Variants in EVC observed in about 807,000 individuals in gnomAD.
EVC encodes the protein evC complex member EVC.
EVC carries 116 observed loss-of-function variants against 118.9 expected under a neutral mutation model. The ratio of observed to expected loss-of-function variants is 0.98; its 90% CI spans 0.84 to 1.14. EVC has a LOEUF of 1.14. EVC is among the 50% of genes most tolerant of loss of function. The pLI, the probability that EVC is intolerant of heterozygous loss-of-function variation, is 0.00. For missense variants in EVC, 1,401 were observed against 1,246.4 expected (o/e 1.12, Z -1.87); for synonymous variants, 619 against 534.7 (o/e 1.16, Z -2.18).
At chr4:5,741,237 C>T (rs1728519663) in intron 5 of EVC, among the ~76,000 whole-genome samples, 1 of 152,204 alleles carries the variant, frequency 6.6e-6, no homozygotes. Flanking sequence ...CTCTGTACTT[C>T]CTGGGTATCC....
At position 5,719,369 on chromosome 4, in the gene EVC, T is replaced by C. The variant is rs769228482; in HGVS notation, c.296T>C (p.Val99Ala). ...EVQMSKDKEA[V>A]DECEPPSNSN... Reference sequence around the variant, plus strand: ...CAGATGTCGAAGGACAAGGAAGCTGTTGATGTAAGCTTGGTGTTGATGTTT... The same window carrying C: ...CAGATGTCGAAGGACAAGGAAGCTGCTGATGTAAGCTTGGTGTTGATGTTT... The change falls in exon 2 of 21, where the codon GTT becomes GCT. Residue 99 changes from valine (V) to alanine (A), a missense_variant. Physicochemically the swap from Val to Ala is moderately conservative, Grantham distance 64. Transcript: ENST00000264956. This position sits in a 1 kb window ranked among gnomAD's most constrained non-coding sequence, Gnocchi z 4.7. The C allele has an allele frequency of 9.3e-6, 15 of 1,614,120 alleles. No individual in the cohort carries two copies. The highest frequency in any genetic ancestry group is 1.3e-5 in the Non-Finnish European group (15 of 1,180,008).
Position 5,777,556 on chromosome 4 carries a change from G to C in EVC, c.1564-5996G>C, listed in dbSNP as rs16837673. 3.9e-3 allele frequency among the ~76,000 whole-genome samples: 588 copies of C among 152,194 alleles called. 8 individuals carry two copies. Among genetic ancestry groups the C allele is most frequent in the African/African-American group, 0.014 (566 of 41,496 alleles). ...CTCCAGATGTGTCTTCTTAGACCTT[G>C]GCCCATGTACTCATCACAATCTTGT... On this transcript the variant is annotated intron_variant, in intron 11 of 20. Transcript: ENST00000264956.
At chr4:5,759,854 C>T (rs879449653) in intron 11 of EVC, among the ~76,000 whole-genome samples, 6 of 152,198 alleles carry the variant, frequency 3.9e-5, no homozygotes, top group Non-Finnish European at 7.3e-5. Flanking sequence ...CCTGACGACA[C>T]GCGCCCAAGG....
At chr4:5,758,313 C>G in intron 11 of EVC, 1 of 555,592 alleles carries the variant, frequency 1.8e-6, no homozygotes, top group Non-Finnish European at 3.2e-6. Flanking sequence ...CTTAATGCAC[C>G]CAGTTTGCGG....
chr4:5,778,913 C>A (rs527319739), intron 11 of EVC, among the ~76,000 whole-genome samples: 141 of 152,142 alleles, frequency 9.3e-4, no homozygotes, highest in African/African-American at 3.4e-3. Flanking sequence ...GAAGTCCTTG[C>A]ACATGCCTAT....
rs199904401 is a variant in EVC, at chr4:5,731,551, G to T, written c.511G>T (p.Asp171Tyr). The change falls in exon 4 of 21, where the codon GAC becomes TAC. Residue 171 changes from aspartate (D) to tyrosine (Y), a missense_variant. Coordinates refer to ENST00000264956, the MANE Select transcript of EVC (RefSeq NM_153717.3). This position sits in a 1 kb window ranked among gnomAD's most constrained non-coding sequence, Gnocchi z 5.6. Reference sequence around the variant, plus strand: ...GAGCCTGAGCCAGGGTGAGAAGGACGACTGCAGCTCCTCATCCAGCGTCCA... The same window carrying T: ...GAGCCTGAGCCAGGGTGAGAAGGACTACTGCAGCTCCTCATCCAGCGTCCA... Reference protein sequence around the residue: ...LGSLSQGEKDDCSSSSSVHSA... With the variant: ...LGSLSQGEKDYCSSSSSVHSA... 3 of 1,614,108 alleles carry T rather than the reference G, an allele frequency of 1.9e-6. No individual in the cohort carries two copies. The highest frequency in any genetic ancestry group is 1.7e-5 in the Admixed American group (1 of 60,020).
rs1729000174 is a variant in EVC at position 5,743,997 on chromosome 4, C to G, written c.802-1207C>G. On this transcript the variant is annotated intron_variant, in intron 6 of 20. Transcript: ENST00000264956. The surrounding 1 kb of genome is among the most constrained non-coding windows in gnomAD (Gnocchi z 4.7). ...GAGTCTGCAGACCTCAGATCAAATT[C>G]CATCTCTACGAGTTAAACAAGGCTG... Among the ~76,000 whole-genome samples the G allele has an allele frequency of 6.6e-6, 1 of 152,156 alleles. No individual in the cohort carries two copies. The highest frequency in any genetic ancestry group is 2.4e-5 in the African/African-American group (1 of 41,436).
At chr4:5,793,419 CTAAATGCAAA>C in intron 12 of EVC, 179 bp from the exon 13 acceptor site, 1 of 632,188 alleles carries the variant, frequency 1.6e-6, no homozygotes, top group Non-Finnish European at 2.8e-6. Context: ...TGCATTTTTC[CTAAATGCAAA>C]TAGGAAAGAT....
intron 6 of EVC, among the ~76,000 whole-genome samples, chr4:5,744,313 T>C (rs1729038058): frequency 6.6e-6 from 1 of 152,184 alleles, no homozygotes; most frequent in Non-Finnish European, 1.5e-5. Flanking sequence ...AGAAATCACA[T>C]ATGGCCTCAG....
Position 5,811,222 on chromosome 4 carries a change from A to C in EVC, c.*185A>C. ...GCATAAATGAGTATCACCTGAGAAA[A>C]TTAGGCATTCCCGTCTTGGAAACAC... On this transcript the variant is annotated 3_prime_UTR_variant, in exon 21 of 21. Coordinates refer to ENST00000264956, the MANE Select transcript of EVC (RefSeq NM_153717.3). The C allele has an allele frequency of 1.7e-6, 1 of 599,130 alleles. No homozygotes were observed. Among genetic ancestry groups the C allele is most frequent in the South Asian group, 1.9e-5 (1 of 51,872 alleles). The allele number at this position is 599,130 out of a possible 1,614,324, so 37.1% of individuals were successfully genotyped here. A position where few individuals can be genotyped will look rare whatever the true frequency, so the allele number is the denominator to read the frequency against.
At chr4:5,800,071 G>A (rs768431562) in intron 15 of EVC, among the ~76,000 whole-genome samples, 4 of 152,230 alleles carry the variant, frequency 2.6e-5, no homozygotes, top group South Asian at 2.1e-4. Context: ...GAGGCCGAGC[G>A]CAGTGGCTCA....
chr4:5,718,507 G>A (rs901073431), intron 1 of EVC, among the ~76,000 whole-genome samples: 3 of 151,986 alleles, frequency 2.0e-5, no homozygotes, highest in South Asian at 2.1e-4. Context: ...CCGAGAAAAA[G>A]CACAGAAATG....
At chr4:5,736,331 G>A (rs1258891342) in intron 5 of EVC, among the ~76,000 whole-genome samples, 1 of 151,980 alleles carries the variant, frequency 6.6e-6, no homozygotes, top group African/African-American at 2.4e-5. Flanking sequence ...GCATAAAGAT[G>A]GGTGAAAACT....
intron 12 of EVC, among the ~76,000 whole-genome samples, chr4:5,792,930 G>T (rs960031395): frequency 1.3e-5 from 2 of 152,100 alleles, no homozygotes; most frequent in African/African-American, 4.8e-5. Context: ...CATGTTTTGG[G>T]GTGGAAAACT....
At chr4:5,782,871 A>T (rs1292108308) in intron 11 of EVC, among the ~76,000 whole-genome samples, 1 of 152,134 alleles carries the variant, frequency 6.6e-6, no homozygotes, top group Non-Finnish European at 1.5e-5. Flanking sequence ...ACCAGTGGGG[A>T]TTGTGAAAAT....
At chr4:5,787,803 C>T (rs922719659) in intron 12 of EVC, among the ~76,000 whole-genome samples, 1 of 151,984 alleles carries the variant, frequency 6.6e-6, no homozygotes, top group Middle Eastern at 3.2e-3. Flanking sequence ...TCCTGGCTCC[C>T]CACCTCACTC....
chr4:5,778,826 CA>C (rs1735137075), intron 11 of EVC, among the ~76,000 whole-genome samples: 1 of 152,124 alleles, frequency 6.6e-6, no homozygotes, highest in Admixed American at 6.5e-5. Context: ...TTTTGCTGTG[CA>C]GAAGCTCTTT....
intron 1 of EVC, among the ~76,000 whole-genome samples, chr4:5,714,201 T>C (rs1359128450): frequency 1.3e-5 from 2 of 152,266 alleles, no homozygotes; most frequent in Non-Finnish European, 2.9e-5. Context: ...GGTACTTCCC[T>C]GCTTTGTAGG....
intron 2 of EVC, among the ~76,000 whole-genome samples, chr4:5,724,296 G>A (rs185491916): frequency 1.3e-5 from 2 of 152,354 alleles, no homozygotes; most frequent in African/African-American, 2.4e-5. Context: ...GAGAGATGTA[G>A]GAGGTTAAGT....
Sources: gnomAD v4.1 joint callset for allele counts (sites outside exome capture counted in the v4.1 genomes callset) on GRCh38, gnomAD v4.1.1 for gene constraint, Gnocchi (gnomAD v3.1) non-coding constraint, MANE v1.5 for transcripts, NCBI Gene and HGNC (gene_info 2026-07-23, HGNC 2026-07-21) for gene names.